DENND1A: variants seen among roughly 807,000 people sequenced by gnomAD.
DENND1A encodes the protein DENN domain-containing protein 1A.
In DENND1A, 51 loss-of-function variants were observed where a neutral mutation model predicts 113.7. That is an observed-to-expected ratio of 0.45 (90% CI 0.36 to 0.57). The LOEUF is 0.57. DENND1A is among the 20% of genes least tolerant of loss of function. DENND1A has a pLI of 0.00. For missense variants in DENND1A, 1,258 were observed against 1,395.9 expected (o/e 0.90, Z 1.57); for synonymous variants, 565 against 570.8 (o/e 0.99, Z 0.14).
At chr9:123,928,871 G>A (rs1857539829) in intron 1 of DENND1A, 1 of 985,324 alleles carries the variant, frequency 1.0e-6, no homozygotes, top group South Asian at 4.7e-5. Context: ...GGTTTAAAGT[G>A]TCCTAGGAAA....
intron 2 of DENND1A, among the ~76,000 whole-genome samples, chr9:123,815,111 TACTC>T (rs1837234081): frequency 6.6e-6 from 1 of 152,222 alleles, no homozygotes; most frequent in South Asian, 2.1e-4. Context: ...AATTAAATCT[TACTC>T]AAACTGTGGG....
intron 11 of DENND1A, among the ~76,000 whole-genome samples, chr9:123,598,460 A>C (rs1418058223): frequency 1.3e-5 from 2 of 151,184 alleles, no homozygotes; most frequent in Non-Finnish European, 3.0e-5. Flanking sequence ...AAATCTCAAA[A>C]AAAAAAAAAA....
intron 3 of DENND1A, among the ~76,000 whole-genome samples, chr9:123,775,956 C>T (rs897010357): frequency 1.2e-4 from 18 of 152,154 alleles, no homozygotes; most frequent in African/African-American, 4.3e-4. Context: ...CTAGTTTGTG[C>T]CTTAATGACA....
rs112961072 is a variant in DENND1A, at chr9:123,605,086, G to T, written c.765+4350C>A. On this transcript the variant is annotated intron_variant, in intron 11 of 23. Coordinates refer to ENST00000394215, the MANE Select transcript of DENND1A (RefSeq NM_001352964.2). ...CCCACGATCAAGTAAGCAGGAAGTA[G>T]AGGTGTCACATTCTAACTGCTCTAC... 3.5e-3 allele frequency among the ~76,000 whole-genome samples: 535 copies of T among 152,274 alleles called. 6 individuals are homozygous for T. The highest frequency in any genetic ancestry group is 2.4e-3 in the Non-Finnish European group (164 of 68,024).
At chr9:123,873,846 G>C (rs899201997) in intron 2 of DENND1A, among the ~76,000 whole-genome samples, 1 of 151,798 alleles carries the variant, frequency 6.6e-6, no homozygotes, top group Non-Finnish European at 1.5e-5. Flanking sequence ...AGGTTCAAGC[G>C]ATCCTCCTGC....
At chr9:123,897,708 C>T (rs1850986444) in intron 1 of DENND1A, among the ~76,000 whole-genome samples, 2 of 152,148 alleles carry the variant, frequency 1.3e-5, no homozygotes, top group African/African-American at 4.8e-5. Flanking sequence ...GTGGCTCACA[C>T]CTGTAAACTC....
chr9:123,493,846 C>G (rs1394385843), intron 13 of DENND1A, among the ~76,000 whole-genome samples: 1 of 151,888 alleles, frequency 6.6e-6, no homozygotes, highest in African/African-American at 2.4e-5. Context: ...TTGGACCGCC[C>G]CCTCCATTGC....
At chr9:123,386,777 C>T (rs2042586172) in intron 22 of DENND1A, among the ~76,000 whole-genome samples, 1 of 152,156 alleles carries the variant, frequency 6.6e-6, no homozygotes, top group Non-Finnish European at 1.5e-5. Context: ...GACCCTCTGA[C>T]CCTGTGGGGT....
rs931756372 is a variant in DENND1A at position 123,383,608 on chromosome 9, G to A, written c.2019+47C>T. On this transcript the variant is annotated intron_variant, in intron 23 of 23. Coordinates refer to ENST00000394215, the MANE Select transcript of DENND1A (RefSeq NM_001352964.2). ...CACATGGGGATCCCACCTCGTGTGCGGACAGTGCCGGCCCCCGGCCGATAC... is the reference window on the plus strand; with the variant it reads ...CACATGGGGATCCCACCTCGTGTGCAGACAGTGCCGGCCCCCGGCCGATAC... The A allele has an allele frequency of 1.3e-5, 21 of 1,582,176 alleles. No individual in the cohort carries two copies. In the African/African-American group the frequency reaches 1.5e-4, roughly 11 times the overall value.
intron 5 of DENND1A, among the ~76,000 whole-genome samples, chr9:123,706,528 T>C (rs1435633145): frequency 6.6e-6 from 1 of 151,404 alleles, no homozygotes; most frequent in Non-Finnish European, 1.5e-5. Flanking sequence ...TCCCAGCACT[T>C]TGGGAGGCCG....
intron 12 of DENND1A, among the ~76,000 whole-genome samples, chr9:123,570,477 T>C (rs1388935513): frequency 1.3e-5 from 2 of 152,196 alleles, no homozygotes; most frequent in African/African-American, 4.8e-5. Context: ...GTCTCCATGC[T>C]CTGTAATACA....
intron 11 of DENND1A, among the ~76,000 whole-genome samples, chr9:123,588,455 C>A (rs1402179019): frequency 6.6e-6 from 1 of 150,844 alleles, no homozygotes. Flanking sequence ...CCTGTCTCTA[C>A]TAAAAATACA....
intron 19 of DENND1A, among the ~76,000 whole-genome samples, chr9:123,432,254 G>A (rs976206471): frequency 1.3e-5 from 2 of 152,204 alleles, no homozygotes; most frequent in Non-Finnish European, 2.9e-5. Context: ...CTGCTCAAAG[G>A]AGCAAACCCC....
intron 19 of DENND1A, among the ~76,000 whole-genome samples, chr9:123,412,957 G>GATT (rs2044428881): frequency 6.6e-6 from 1 of 152,232 alleles, no homozygotes; most frequent in African/African-American, 2.4e-5. Context: ...GCCAAGGTGG[G>GATT]CGGACCACCT....
intron 2 of DENND1A, among the ~76,000 whole-genome samples, chr9:123,826,943 T>C (rs1839418370): frequency 6.6e-6 from 1 of 152,206 alleles, no homozygotes; most frequent in African/African-American, 2.4e-5. Context: ...AACTTAAAGC[T>C]AGAAAATAAC....
At chr9:123,525,789 C>T (rs1031628386) in intron 13 of DENND1A, among the ~76,000 whole-genome samples, 6 of 143,850 alleles carry the variant, frequency 4.2e-5, no homozygotes, top group African/African-American at 1.6e-4. Flanking sequence ...GACAGGGTCT[C>T]GCTCTGTGAC....
chr9:123,605,140 T>C (rs1043782699), intron 11 of DENND1A, among the ~76,000 whole-genome samples: 1 of 152,166 alleles, frequency 6.6e-6, no homozygotes, highest in African/African-American at 2.4e-5. Context: ...GGGTGGAACT[T>C]CATTTACAAG....
chr9:123,400,440 G>A (rs2043372051), intron 21 of DENND1A: 1 of 152,280 alleles, frequency 6.6e-6, no homozygotes, highest in African/African-American at 2.4e-5. Flanking sequence ...GACATCAGCT[G>A]GGAAGGAAGA....
At chr9:123,903,119 T>G (rs1292706968) in intron 1 of DENND1A, among the ~76,000 whole-genome samples, 1 of 150,486 alleles carries the variant, frequency 6.6e-6, no homozygotes, top group African/African-American at 2.4e-5. Flanking sequence ...GATCACGAGG[T>G]CAGGAGATCG....
Sources: gnomAD v4.1 joint callset for allele counts (sites outside exome capture counted in the v4.1 genomes callset) on GRCh38, gnomAD v4.1.1 for gene constraint, MANE v1.5 for transcripts, NCBI Gene and HGNC (gene_info 2026-07-23, HGNC 2026-07-21) for gene names.